The following CDH8 variants were observed in gnomAD, a reference collection of about 807,000 sequenced individuals.
The protein encoded by CDH8 is cadherin 8, also known as cadherin-8.
Under a neutral mutation model 68.1 loss-of-function variants are expected in CDH8, and 17 were observed. That is an observed-to-expected ratio of 0.25 (90% CI 0.17 to 0.37). The LOEUF is 0.37. Among genes scored for constraint, CDH8 ranks in the 10% least tolerant of loss-of-function variants. The pLI is 1.00. For missense variants in CDH8, 763 were observed against 999.3 expected, an observed-to-expected ratio of 0.76 and a Z score of 3.19; for synonymous variants, 372 against 365.1, an observed-to-expected ratio of 1.02 and a Z score of -0.21.
In CDH8 at chr16:61,647,979, C is replaced by A; in HGVS notation, c.*5629G>T. On this transcript the variant is annotated 3_prime_UTR_variant, in exon 12 of 12. Coordinates refer to ENST00000577390, the MANE Select transcript of CDH8 (RefSeq NM_001796.5). ...ATTCAAGATGTGAATTAGATGGTGGCAGGTAACTCAAGTTGGGGAAATAGT... is the reference window on the plus strand; with the variant it reads ...ATTCAAGATGTGAATTAGATGGTGGAAGGTAACTCAAGTTGGGGAAATAGT... The A allele has an allele frequency of 3.2e-6, 2 of 627,324 alleles. No individual in the cohort carries two copies. Among genetic ancestry groups the A allele is most frequent in the Non-Finnish European group, 5.7e-6 (2 of 348,156 alleles). 38.9% of individuals were successfully genotyped at this position (627,324 alleles called of 1,614,324 possible).
chr16:61,965,899 C>T (rs1392508618), intron 2 of CDH8, among the ~76,000 whole-genome samples: 1 of 152,144 alleles, frequency 6.6e-6, no homozygotes, highest in Non-Finnish European at 1.5e-5. Context: ...ATGCATATTC[C>T]TGTATTATCC....
chr16:61,725,467 C>T (rs932508613), intron 9 of CDH8: 1 of 150,770 alleles, frequency 6.6e-6, no homozygotes, highest in Admixed American at 6.6e-5. Flanking sequence ...TATTTAAATT[C>T]TGAAGTATTT....
intron 3 of CDH8, among the ~76,000 whole-genome samples, chr16:61,858,510 T>C (rs1963091156): frequency 6.6e-6 from 1 of 152,202 alleles, no homozygotes; most frequent in Non-Finnish European, 1.5e-5. Context: ...TGAATATACC[T>C]TTACTCATTG....
chr16:61,971,759 A>G (rs1965344396), intron 2 of CDH8, among the ~76,000 whole-genome samples: 1 of 152,182 alleles, frequency 6.6e-6, no homozygotes, highest in Admixed American at 6.5e-5. Context: ...CTAGAGCTGC[A>G]TAAGAGCTGC....
intron 8 of CDH8, among the ~76,000 whole-genome samples, chr16:61,760,629 C>T (rs1228898839): frequency 6.6e-6 from 1 of 152,054 alleles, no homozygotes; most frequent in Non-Finnish European, 1.5e-5. Context: ...AGAATTTTAA[C>T]AGCCTCTCTT....
chr16:61,717,951 A>G (rs1369111716), intron 9 of CDH8, among the ~76,000 whole-genome samples: 1 of 151,406 alleles, frequency 6.6e-6, no homozygotes, highest in Admixed American at 6.6e-5. Flanking sequence ...TTCAAATTAT[A>G]TGAAGTATAT....
At chr16:61,854,091 T>C (rs1398717049) in intron 4 of CDH8, among the ~76,000 whole-genome samples, 2 of 150,782 alleles carry the variant, frequency 1.3e-5, no homozygotes, top group Non-Finnish European at 2.9e-5. Context: ...TGTATATATG[T>C]TTATAAGTAC....
intron 2 of CDH8, among the ~76,000 whole-genome samples, chr16:61,954,702 A>AG (rs1186375820): frequency 3.7e-4 from 45 of 122,060 alleles, no homozygotes; most frequent in Non-Finnish European, 1.8e-5. Context: ...CTCCATCTCA[A>AG]AAAAAAAAAA....
intron 1 of CDH8, among the ~76,000 whole-genome samples, chr16:62,035,361 T>A (rs897139867): frequency 5.3e-5 from 8 of 152,196 alleles, no homozygotes; most frequent in African/African-American, 1.9e-4. Flanking sequence ...GTGCACGCAA[T>A]CTCGAGTTGC....
At chr16:61,769,348 TACA>T (rs1960719651) in intron 8 of CDH8, among the ~76,000 whole-genome samples, 1 of 151,828 alleles carries the variant, frequency 6.6e-6, no homozygotes, top group Non-Finnish European at 1.5e-5. Context: ...ACATGCATTA[TACA>T]ACAACATAGA....
At chr16:61,859,102 A>G (rs544023140) in intron 3 of CDH8, among the ~76,000 whole-genome samples, 1 of 152,302 alleles carries the variant, frequency 6.6e-6, no homozygotes, top group South Asian at 2.1e-4. Context: ...ATAGTCCTGT[A>G]AAATTGGAAT....
intron 4 of CDH8, among the ~76,000 whole-genome samples, chr16:61,851,127 G>A (rs1325429808): frequency 6.6e-6 from 1 of 152,014 alleles, no homozygotes; most frequent in Non-Finnish European, 1.5e-5. Flanking sequence ...GAGGCCCTGT[G>A]TGTAAGCAAT....
chr16:61,988,621 G>T (rs1965666434), intron 2 of CDH8, among the ~76,000 whole-genome samples: 1 of 152,042 alleles, frequency 6.6e-6, no homozygotes, highest in Admixed American at 6.6e-5. Flanking sequence ...AAAGGTACAA[G>T]TTCAGATGAT....
At chr16:61,738,942 C>CT (rs1959784973) in intron 8 of CDH8, among the ~76,000 whole-genome samples, 1 of 152,062 alleles carries the variant, frequency 6.6e-6, no homozygotes, top group African/African-American at 2.4e-5. Flanking sequence ...CTTTTATACC[C>CT]TTAAGTACAT....
At chr16:62,017,950 G>A (rs936584606) in intron 2 of CDH8, among the ~76,000 whole-genome samples, 2 of 152,038 alleles carry the variant, frequency 1.3e-5, no homozygotes, top group Non-Finnish European at 2.9e-5. Context: ...TTCACCTAGT[G>A]AGGTAATTGT....
chr16:61,941,969 A>G (rs1295805697), intron 2 of CDH8, among the ~76,000 whole-genome samples: 1 of 152,140 alleles, frequency 6.6e-6, no homozygotes, highest in Admixed American at 6.5e-5. Context: ...TGGCCATACC[A>G]TCTACCCAAT....
chr16:61,680,644 T>TACAC (rs1159839822), intron 10 of CDH8, among the ~76,000 whole-genome samples: 1 of 150,230 alleles, frequency 6.7e-6, no homozygotes, highest in East Asian at 1.9e-4. Flanking sequence ...CACACATACA[T>TACAC]ACACACACAC....
chr16:61,747,806 C>T (rs1960059776), intron 8 of CDH8, among the ~76,000 whole-genome samples: 1 of 151,582 alleles, frequency 6.6e-6, no homozygotes, highest in Non-Finnish European at 1.5e-5. Flanking sequence ...GGAAGAAATC[C>T]ACTGTAACTA....
At chr16:61,981,507 G>A (rs567009723) in intron 2 of CDH8, among the ~76,000 whole-genome samples, 61 of 152,058 alleles carry the variant, frequency 4.0e-4, no homozygotes, top group African/African-American at 1.4e-3. Context: ...AGTCTCTAGA[G>A]TATTGCACAG....
Sources: allele counts gnomAD v4.1 joint callset (sites outside exome capture counted in the v4.1 genomes callset), GRCh38; gene constraint gnomAD v4.1.1; transcripts MANE v1.5; gene names NCBI Gene and HGNC (gene_info 2026-07-23, HGNC 2026-07-21).